Variants in CNIH3 observed in about 807,000 individuals in gnomAD.
The protein encoded by CNIH3 is cornichon family AMPA receptor auxiliary protein 3, also known as protein cornichon homolog 3.
A neutral mutation model predicts 24.1 loss-of-function variants in CNIH3; 14 were observed. That is an observed-to-expected ratio of 0.58 (90% confidence interval 0.38 to 0.91). CNIH3 has a LOEUF of 0.91. CNIH3 is among the 40% of genes least tolerant of loss of function. CNIH3 has a pLI of 0.00. For synonymous variants in CNIH3, 68 were observed against 73.8 expected (o/e 0.92, Z 0.40); for missense variants, 178 against 196.8 (o/e 0.90, Z 0.57).
In CNIH3 at chr1:224,629,780, C is replaced by G. The variant is rs762001500; in HGVS notation, c.81+12525C>G. ...GCACAGACTCTGCTCTTTCTTGACC[C>G]TCTGGCCCCTGATGGTTGCTGTCTC... On this transcript the variant is annotated intron_variant, in intron 1 of 5. Transcript: ENST00000272133. Among the ~76,000 whole-genome samples the G allele has an allele frequency of 1.1e-4, 17 of 152,064 alleles. 1 individual carries two copies. The highest frequency in any genetic ancestry group is 1.8e-4 in the Non-Finnish European group (12 of 68,032).
intron 3 of CNIH3, among the ~76,000 whole-genome samples, chr1:224,705,922 G>A (rs915090791): frequency 2.2e-5 from 3 of 138,920 alleles, no homozygotes; most frequent in Admixed American, 7.8e-5. Flanking sequence ...TCGTCACTTC[G>A]GGGAAGCCTT....
rs1476072902 is a variant in CNIH3, at chr1:224,677,455, C to T, written c.82-3503C>T. ...TTAGGTGAATGGATGGATACATTAG[C>T]GAGTAGCCACTGGGTGTAGGGACGC... On this transcript the variant is annotated intron_variant, in intron 1 of 5. Coordinates refer to ENST00000272133, the MANE Select transcript of CNIH3 (RefSeq NM_152495.2). 2.0e-5 allele frequency among the ~76,000 whole-genome samples: 3 copies of T among 152,282 alleles called. No homozygotes were observed. In the East Asian group the frequency reaches 5.8e-4, roughly 29 times the overall value.
intron 1 of CNIH3, among the ~76,000 whole-genome samples, chr1:224,510,108 A>T (rs368949585): frequency 2.4e-4 from 36 of 152,148 alleles, no homozygotes; most frequent in African/African-American, 8.2e-4. Flanking sequence ...TGCCTTGTTT[A>T]AACTTGATAA....
chr1:224,729,057 G>A (rs536603618), intron 3 of CNIH3, among the ~76,000 whole-genome samples: 1 of 152,104 alleles, frequency 6.6e-6, no homozygotes, highest in African/African-American at 2.4e-5. Flanking sequence ...ATGCTGTGGG[G>A]CCCAGAGGTA....
intron 1 of CNIH3, among the ~76,000 whole-genome samples, chr1:224,668,162 G>C (rs761455175): frequency 6.6e-6 from 1 of 152,178 alleles, no homozygotes; most frequent in African/African-American, 2.4e-5. Flanking sequence ...ATGTAAGAGA[G>C]GGCCTTGCTT....
At chr1:224,624,892 C>T (rs149095153) in intron 1 of CNIH3, among the ~76,000 whole-genome samples, 3 of 152,180 alleles carry the variant, frequency 2.0e-5, no homozygotes. Flanking sequence ...TTCTGTCTCC[C>T]TGGAATGCTG....
chr1:224,641,673 T>C (rs1572641923), intron 1 of CNIH3, among the ~76,000 whole-genome samples: 1 of 152,146 alleles, frequency 6.6e-6, no homozygotes, highest in Non-Finnish European at 1.5e-5. Context: ...GGACTCCAGG[T>C]TCTATTTTGG....
At chr1:224,674,284 T>G (rs1263253423) in intron 1 of CNIH3, among the ~76,000 whole-genome samples, 30 of 82,640 alleles carry the variant, frequency 3.6e-4, no homozygotes, top group African/African-American at 1.5e-3. Context: ...TTTTTTTTTT[T>G]TTTTTTTTTT....
intron 1 of CNIH3, among the ~76,000 whole-genome samples, chr1:224,668,750 T>C (rs1317190067): frequency 6.6e-6 from 1 of 152,142 alleles, no homozygotes; most frequent in Non-Finnish European, 1.5e-5. Flanking sequence ...TTCTCCTGCA[T>C]TCTTATGTTT....
At chr1:224,550,691 C>G (rs115138290) in intron 3 of CNIH3, among the ~76,000 whole-genome samples, 1 of 152,020 alleles carries the variant, frequency 6.6e-6, no homozygotes, top group Non-Finnish European at 1.5e-5. Context: ...AATATCAGAG[C>G]GATGATATTT....
In CNIH3 at chr1:224,617,162, G is replaced by A; in HGVS notation, c.-13G>A. 6.2e-7 allele frequency: 1 copy of A among 1,613,694 alleles called. No homozygotes were observed. The highest frequency in any genetic ancestry group is 8.5e-7 in the Non-Finnish European group (1 of 1,179,794). On this transcript the variant is annotated 5_prime_UTR_variant, in exon 1 of 6. Coordinates refer to ENST00000272133, the MANE Select transcript of CNIH3 (RefSeq NM_152495.2). Reference sequence around the variant, plus strand: ...CTTCTTGGCGTGTGTGGTGGGATTGGGGTCCGCCGGCCATGGCCTTCACTT... The same window carrying A: ...CTTCTTGGCGTGTGTGGTGGGATTGAGGTCCGCCGGCCATGGCCTTCACTT...
At chr1:224,503,545 G>A (rs1677772449) in intron 1 of CNIH3, among the ~76,000 whole-genome samples, 1 of 152,204 alleles carries the variant, frequency 6.6e-6, no homozygotes, top group African/African-American at 2.4e-5. Flanking sequence ...TGACAGCCTG[G>A]GCCTCGGGGA....
chr1:224,527,715 TA>T (rs1050832455), intron 2 of CNIH3, among the ~76,000 whole-genome samples: 9 of 151,412 alleles, frequency 5.9e-5, no homozygotes, highest in Non-Finnish European at 7.4e-5. Context: ...ATAGAGTTTG[TA>T]AAAAAAAATA....
In CNIH3 at chr1:224,474,913, C is replaced by T. The variant is rs142321724; in HGVS notation, n.203+40051C>T. Reference sequence around the variant, plus strand: ...AAAAAAAGCCGGTCGTGGCAGTGGGCGGGCGCCTGTAGTCCCAGCTACTTG... The same window carrying T: ...AAAAAAAGCCGGTCGTGGCAGTGGGTGGGCGCCTGTAGTCCCAGCTACTTG... On this transcript the variant is annotated intron_variant and non_coding_transcript_variant, in intron 1 of 5. Transcript: ENST00000471578. Among the ~76,000 whole-genome samples, 1,442 of 151,100 alleles carry T rather than the reference C, an allele frequency of 9.5e-3. 21 individuals are homozygous for T. The highest frequency in any genetic ancestry group is 0.032 in the African/African-American group (1,337 of 41,146).
At chr1:224,463,410 A>G (rs1676009857) in intron 1 of CNIH3, among the ~76,000 whole-genome samples, 2 of 141,088 alleles carry the variant, frequency 1.4e-5, no homozygotes, top group Non-Finnish European at 3.0e-5. Context: ...GCATGAATAC[A>G]AGTCTTTTTT....
intron 1 of CNIH3, among the ~76,000 whole-genome samples, chr1:224,670,841 A>G (rs1685829438): frequency 6.6e-6 from 1 of 152,252 alleles, no homozygotes; most frequent in Admixed American, 6.5e-5. Context: ...TTAACTTTGC[A>G]TGTCAATGTG....
chr1:224,489,748 A>G (rs941106809), intron 1 of CNIH3, among the ~76,000 whole-genome samples: 5 of 152,178 alleles, frequency 3.3e-5, no homozygotes, highest in East Asian at 3.8e-4. Context: ...TGTAAACAAC[A>G]AACATTGATT....
intron 3 of CNIH3, among the ~76,000 whole-genome samples, chr1:224,598,410 C>T (rs767422056): frequency 7.2e-5 from 11 of 152,092 alleles, no homozygotes; most frequent in South Asian, 6.2e-4. Flanking sequence ...CTATGAATAT[C>T]GTTGAACTGA....
At chr1:224,483,210 C>T (rs2124824992) in intron 1 of CNIH3, among the ~76,000 whole-genome samples, 1 of 152,268 alleles carries the variant, frequency 6.6e-6, no homozygotes, top group East Asian at 1.9e-4. Context: ...ATTAGTTGGG[C>T]ATAATGGTGG....
Sources: gnomAD v4.1 joint callset for allele counts (sites outside exome capture counted in the v4.1 genomes callset) on GRCh38, gnomAD v4.1.1 for gene constraint, MANE v1.5 for transcripts, NCBI Gene and HGNC (gene_info 2026-07-23, HGNC 2026-07-21) for gene names.